Variants in CD96 observed in about 807,000 individuals in gnomAD.
CD96 encodes the protein CD96 molecule.
Under a neutral mutation model 71.3 loss-of-function variants are expected in CD96, and 70 were observed. The observed-to-expected ratio is 0.98, with a 90% CI of 0.81 to 1.20. The LOEUF is 1.20. Ranked by LOEUF, CD96 falls within the 50% of genes most tolerant of loss-of-function variation. The probability of loss-of-function intolerance (pLI) is 0.00; values close to 1 mark genes in which losing one functional copy is unlikely to be tolerated. For synonymous variants in CD96, 248 were observed against 233.0 expected (o/e 1.06, Z -0.59); for missense variants, 742 against 677.5 (o/e 1.10, Z -1.06).
rs558124925 is a variant in CD96, at chr3:111,665,174, TGTG to T, written c.*53-352_*53-350del. ...GATGAATCTAGGTAGATGGAATAAG[TGTG>T]TGTGTGTGTGTGTGTGTATGTGTGT... is the stretch of plus-strand genomic sequence containing the variant. On this transcript the variant is annotated intron_variant and NMD_transcript_variant, in intron 14 of 14. Transcript: ENST00000494798. Among the ~76,000 whole-genome samples the T allele has an allele frequency of 2.8e-3, 397 of 143,698 alleles. 2 individuals are homozygous for T. The highest frequency in any genetic ancestry group is 0.01 in the African/African-American group (378 of 36,340). 94.3% of individuals were successfully genotyped at this position (143,698 alleles called of 152,430 possible).
At chr3:111,553,083 TA>T (rs199530392) in intron 2 of CD96, among the ~76,000 whole-genome samples, 3,723 of 150,612 alleles carry the variant, frequency 0.025, 157 homozygotes, top group African/African-American at 0.083. Flanking sequence ...AAGATGTCAT[TA>T]AAAAAAAGCC....
At chr3:111,597,507 G>A (rs570012948) in intron 5 of CD96, among the ~76,000 whole-genome samples, 28 of 151,962 alleles carry the variant, frequency 1.8e-4, no homozygotes, top group Non-Finnish European at 3.1e-4. Context: ...CCACTTCCTC[G>A]AACCACTGGG....
intron 8 of CD96, among the ~76,000 whole-genome samples, chr3:111,608,105 G>A (rs937199587): frequency 7.8e-5 from 11 of 141,642 alleles, no homozygotes; most frequent in African/African-American, 2.6e-4. Flanking sequence ...CAGTCACACC[G>A]TTGGCTGAGG....
intron 7 of CD96, among the ~76,000 whole-genome samples, chr3:111,604,643 A>G (rs1937573900): frequency 6.6e-6 from 1 of 152,244 alleles, no homozygotes; most frequent in Non-Finnish European, 1.5e-5. Context: ...CTTGGTGATG[A>G]AATATGGCAG....
chr3:111,628,108 G>C (rs1938869533), intron 10 of CD96, among the ~76,000 whole-genome samples: 1 of 152,118 alleles, frequency 6.6e-6, no homozygotes, highest in Non-Finnish European at 1.5e-5. Flanking sequence ...ACAACAACCA[G>C]AATGCTCCCT....
At chr3:111,601,716 C>T (rs1054688034) in intron 7 of CD96, among the ~76,000 whole-genome samples, 1 of 152,132 alleles carries the variant, frequency 6.6e-6, no homozygotes, top group African/African-American at 2.4e-5. Flanking sequence ...CCTCTTAAAC[C>T]ACATCCTATT....
chr3:111,568,645 A>C (rs951878597), intron 3 of CD96, among the ~76,000 whole-genome samples: 1 of 152,198 alleles, frequency 6.6e-6, no homozygotes, highest in African/African-American at 2.4e-5. Context: ...TTTTATCCTT[A>C]GTCTACATTG....
At chr3:111,561,347 C>T (rs199499300) in intron 2 of CD96, among the ~76,000 whole-genome samples, 8,161 of 148,390 alleles carry the variant, frequency 0.055, 534 homozygotes, top group African/African-American at 0.14. Flanking sequence ...GTTTTATCTA[C>T]TTTCGGTCTT....
intron 14 of CD96, among the ~76,000 whole-genome samples, chr3:111,662,396 A>G (rs1162200776): frequency 6.6e-6 from 1 of 152,220 alleles, no homozygotes; most frequent in African/African-American, 2.4e-5. Flanking sequence ...CTTCTGCAGC[A>G]GCCTCGAAAG....
chr3:111,625,072 T>C (rs6771309), intron 10 of CD96, among the ~76,000 whole-genome samples: 39,334 of 152,110 alleles, frequency 0.26, 6,051 homozygotes, highest in African/African-American at 0.44. Flanking sequence ...AATTTAAATG[T>C]TAGACTCTTT....
At chr3:111,578,495 C>A (rs1401305096) in intron 3 of CD96, among the ~76,000 whole-genome samples, 1 of 152,236 alleles carries the variant, frequency 6.6e-6, no homozygotes, top group East Asian at 1.9e-4. Context: ...GAGGTACTCA[C>A]TGTTGGGTGT....
intron 7 of CD96, among the ~76,000 whole-genome samples, chr3:111,605,685 G>A (rs746849512): frequency 2.0e-5 from 3 of 152,164 alleles, no homozygotes; most frequent in Non-Finnish European, 4.4e-5. Context: ...ACTGGCAATA[G>A]CAGTGCTACT....
downstream of CD96, among the ~76,000 whole-genome samples, chr3:111,657,245 C>T (rs1940252221): frequency 6.6e-6 from 1 of 151,970 alleles, no homozygotes; most frequent in African/African-American, 2.4e-5. Flanking sequence ...TGGTGAAACC[C>T]CATCTCTACT....
chr3:111,655,456 A>G (rs1289980313), downstream of CD96, among the ~76,000 whole-genome samples: 1 of 152,218 alleles, frequency 6.6e-6, no homozygotes, highest in African/African-American at 2.4e-5. Context: ...GTTATGCGCA[A>G]AGAAGAGAAA....
At chr3:111,620,540 T>A (rs1237071810) in intron 8 of CD96, among the ~76,000 whole-genome samples, 1 of 152,292 alleles carries the variant, frequency 6.6e-6, no homozygotes, top group South Asian at 2.1e-4. Context: ...TGAGGTCCCA[T>A]AGTAAAGGGG....
Position 111,624,415 on chromosome 3 carries a change from A to G in CD96, c.1321+11A>G. On this transcript the variant is annotated intron_variant, in intron 10 of 13. Coordinates refer to ENST00000352690, the MANE Select transcript of CD96 (RefSeq NM_005816.5). Reference sequence around the variant, plus strand: ...CAGATACCAAAAAATGTTAAGTATAATCGTGGGTCCCTTGAGTCCTCTGGA... The same window carrying G: ...CAGATACCAAAAAATGTTAAGTATAGTCGTGGGTCCCTTGAGTCCTCTGGA... The G allele has an allele frequency of 6.4e-7, 1 of 1,551,468 alleles. No homozygotes were observed. Among genetic ancestry groups the G allele is most frequent in the Non-Finnish European group, 8.9e-7 (1 of 1,122,818 alleles).
At chr3:111,652,478 A>G (rs1940126702), downstream of CD96, 1 of 152,066 alleles carries the variant, frequency 6.6e-6, no homozygotes, top group African/African-American at 2.4e-5. Flanking sequence ...AGTTGGAGGT[A>G]TTTGGATTGT....
At chr3:111,578,637 T>C (rs923848662) in intron 3 of CD96, among the ~76,000 whole-genome samples, 10 of 152,314 alleles carry the variant, frequency 6.6e-5, no homozygotes, top group South Asian at 2.1e-4. Flanking sequence ...TAAATGAAGA[T>C]TTTATGAAAT....
chr3:111,545,539 G>A (rs1934353692), intron 2 of CD96, 137 bp downstream of exon 2: 3 of 703,804 alleles, frequency 4.3e-6, no homozygotes, highest in South Asian at 1.5e-5. Flanking sequence ...TCTGATAAGA[G>A]AGACAGGAAG....
Sources: allele counts gnomAD v4.1 joint callset (sites outside exome capture counted in the v4.1 genomes callset), GRCh38; gene constraint gnomAD v4.1.1; transcripts MANE v1.5; gene names NCBI Gene and HGNC (gene_info 2026-07-23, HGNC 2026-07-21).